TENM3: variants seen among roughly 807,000 people sequenced by gnomAD.
TENM3 encodes the protein teneurin-3.
A neutral mutation model predicts 255.1 loss-of-function variants in TENM3; 63 were observed. The ratio of observed to expected loss-of-function variants is 0.25; its 90% CI spans 0.20 to 0.30. The LOEUF (loss-of-function observed/expected upper bound fraction) is 0.30. Ranked by LOEUF, TENM3 falls within the 10% of genes least tolerant of loss-of-function variation. The pLI is 1.00. For synonymous variants in TENM3, 1,306 were observed against 1,322.3 expected (o/e 0.99, Z 0.27); for missense variants, 2,929 against 3,461.1 (o/e 0.85, Z 3.86).
the TENM3 span, among the ~76,000 whole-genome samples, chr4:181,928,687 A>C: frequency 2.6e-5 from 4 of 152,116 alleles, no homozygotes; most frequent in East Asian, 7.8e-4. Context: ...AGAACACCAC[A>C]AAGATACTCC....
chr4:182,189,294 C>T (rs1457224799), intron 1 of TENM3, among the ~76,000 whole-genome samples: 1 of 151,814 alleles, frequency 6.6e-6, no homozygotes, highest in Non-Finnish European at 1.5e-5. Flanking sequence ...TATGATTGCT[C>T]AAATGTCACC....
the TENM3 span, among the ~76,000 whole-genome samples, chr4:181,687,952 T>C: frequency 2.0e-5 from 3 of 152,068 alleles, no homozygotes; most frequent in East Asian, 3.8e-4. Flanking sequence ...AAATAATCAA[T>C]AATACTAGCA....
rs1414793363 is a variant in TENM3, at chr4:182,799,604, C to T, written c.7353C>T (p.Phe2451=). The change falls in exon 28 of 28, where the codon TTC becomes TTT. Residue 2451 remains phenylalanine, a synonymous_variant. Transcript: ENST00000511685. The surrounding 1 kb of genome is among the most constrained non-coding windows in gnomAD (Gnocchi z 4.2). The part of the protein sequence containing the change: ...SQQWDDIPPI[F]GVQQQVARQA... ...TTTTGTTTCGCCCGCAGCCCATCTT[C>T]GGAGTCCAGCAGCAAGTGGCGCGGC... The T allele has an allele frequency of 9.1e-6, 14 of 1,539,804 alleles. No individual in the cohort carries two copies. The East Asian group carries it at 2.7e-4, about 30-fold the overall frequency.
intron 3 of TENM3, among the ~76,000 whole-genome samples, chr4:182,597,128 T>C (rs6820921): frequency 0.078 from 11,925 of 152,248 alleles, 656 homozygotes; most frequent in Middle Eastern, 0.13. Context: ...AAGAGCCAGG[T>C]ACAGATCCTC....
At chr4:181,830,762 A>T in the TENM3 span, among the ~76,000 whole-genome samples, 1 of 152,204 alleles carries the variant, frequency 6.6e-6, no homozygotes, top group Non-Finnish European at 1.5e-5. Context: ...AGATGGACTG[A>T]AATCTTTAAC....
the TENM3 span, among the ~76,000 whole-genome samples, chr4:181,514,881 C>T: frequency 6.6e-6 from 1 of 152,178 alleles, no homozygotes; most frequent in Admixed American, 6.5e-5. Flanking sequence ...TAGGCATTTC[C>T]CATATATTAC....
the TENM3 span, among the ~76,000 whole-genome samples, chr4:181,945,406 T>C: frequency 1.3e-5 from 2 of 152,128 alleles, no homozygotes; most frequent in Non-Finnish European, 2.9e-5. Flanking sequence ...TCGGAGCACG[T>C]GGGGACGTAG....
the TENM3 span, among the ~76,000 whole-genome samples, chr4:181,596,989 TAATA>T: frequency 1.3e-5 from 2 of 152,096 alleles, no homozygotes; most frequent in Non-Finnish European, 2.9e-5. Flanking sequence ...TGGTAGTACT[TAATA>T]TTAATCTGTA....
intron 3 of TENM3, among the ~76,000 whole-genome samples, chr4:182,480,179 T>C (rs1354218076): frequency 6.6e-6 from 1 of 152,062 alleles, no homozygotes; most frequent in Non-Finnish European, 1.5e-5. Context: ...CTCTGAGCTG[T>C]GTGGAAGATT....
the TENM3 span, among the ~76,000 whole-genome samples, chr4:181,924,760 A>T: frequency 6.6e-6 from 1 of 152,164 alleles, no homozygotes; most frequent in South Asian, 2.1e-4. Flanking sequence ...TCCTCCAGAG[A>T]CCTGAACACA....
At chr4:182,458,199 G>C (rs1240172840) in intron 3 of TENM3, among the ~76,000 whole-genome samples, 2 of 152,054 alleles carry the variant, frequency 1.3e-5, no homozygotes, top group Admixed American at 1.3e-4. Flanking sequence ...TATCTAGCAA[G>C]GATTAGCATC....
chr4:182,245,625 T>C (rs1252438537), intron 1 of TENM3, among the ~76,000 whole-genome samples: 1 of 152,184 alleles, frequency 6.6e-6, no homozygotes, highest in Non-Finnish European at 1.5e-5. Flanking sequence ...TTTAGATTAA[T>C]GTGATGACCG....
At chr4:181,791,851 G>A in the TENM3 span, among the ~76,000 whole-genome samples, 1 of 152,152 alleles carries the variant, frequency 6.6e-6, no homozygotes, top group African/African-American at 2.4e-5. Flanking sequence ...ACATAAGTAG[G>A]CAACGGACAC....
intron 3 of TENM3, among the ~76,000 whole-genome samples, chr4:182,407,319 A>G (rs896827976): frequency 6.6e-6 from 1 of 152,214 alleles, no homozygotes; most frequent in Non-Finnish European, 1.5e-5. Flanking sequence ...AATAAGACGT[A>G]TATTCATTTA....
the TENM3 span, among the ~76,000 whole-genome samples, chr4:181,828,656 T>G: frequency 1.3e-5 from 2 of 152,180 alleles, no homozygotes; most frequent in Non-Finnish European, 2.9e-5. Context: ...TGGCACCATC[T>G]CAGCTCACTG....
chr4:181,551,282 C>T, the TENM3 span, among the ~76,000 whole-genome samples: 1 of 151,420 alleles, frequency 6.6e-6, no homozygotes, highest in Non-Finnish European at 1.5e-5. Context: ...AGTAAAAATG[C>T]ATCCTGAGAA....
intron 1 of TENM3, among the ~76,000 whole-genome samples, chr4:182,156,236 A>G (rs867551246): frequency 3.3e-5 from 5 of 152,338 alleles, no homozygotes; most frequent in Middle Eastern, 3.4e-3. Flanking sequence ...ATATGCAGAA[A>G]AAAAGTCACT....
the TENM3 span, among the ~76,000 whole-genome samples, chr4:182,106,335 C>A: frequency 6.6e-6 from 1 of 152,140 alleles, no homozygotes; most frequent in African/African-American, 2.4e-5. Context: ...GTAGCGCACG[C>A]CTGTAGTCCT....
chr4:182,169,086 C>T (rs905547502), intron 1 of TENM3, among the ~76,000 whole-genome samples: 3 of 151,876 alleles, frequency 2.0e-5, no homozygotes, highest in East Asian at 1.9e-4. Context: ...CACACACACA[C>T]ACACACACAC....
Sources: gnomAD v4.1 joint callset for allele counts (sites outside exome capture counted in the v4.1 genomes callset) on GRCh38, gnomAD v4.1.1 for gene constraint, Gnocchi (gnomAD v3.1) non-coding constraint, MANE v1.5 for transcripts, NCBI Gene and HGNC (gene_info 2026-07-23, HGNC 2026-07-21) for gene names.